Variants in RHPN2 observed in about 807,000 individuals in gnomAD.
RHPN2 encodes rhophilin-2.
RHPN2 carries 40 observed loss-of-function variants against 79.0 expected under a neutral mutation model. That is an observed-to-expected ratio of 0.51 (90% confidence interval 0.39 to 0.66). The LOEUF is 0.66. Among genes scored for constraint, RHPN2 ranks in the 30% least tolerant of loss-of-function variants. RHPN2 has a pLI of 0.00. For missense variants in RHPN2, 686 were observed against 883.5 expected, an observed-to-expected ratio of 0.78 and a Z score of 2.83; for synonymous variants, 285 against 363.5, an observed-to-expected ratio of 0.78 and a Z score of 2.46.
chr19:32,990,375 T>C (rs1285520756), intron 14 of RHPN2, 139 bp downstream of exon 14: 5 of 912,702 alleles, frequency 5.5e-6, no homozygotes, highest in Non-Finnish European at 8.9e-6. Context: ...TTACAGTGAT[T>C]ACAAGCCTGG....
chr19:33,064,378 T>C (rs1019933423), intron 1 of RHPN2, among the ~76,000 whole-genome samples: 9 of 149,374 alleles, frequency 6.0e-5, no homozygotes, highest in Non-Finnish European at 1.3e-4. Context: ...CCACCCGCGC[T>C]CCCACCAAGC....
intron 13 of RHPN2, chr19:32,991,330 G>C (rs1044790650): frequency 2.9e-5 from 6 of 205,086 alleles, no homozygotes; most frequent in Non-Finnish European, 6.0e-5. Flanking sequence ...ATGGTGGCAC[G>C]CACCTGTAAT....
chr19:32,991,641 A>G (rs528497162), intron 13 of RHPN2, among the ~76,000 whole-genome samples, 182 bp downstream of exon 13: 2 of 152,212 alleles, frequency 1.3e-5, no homozygotes, highest in South Asian at 4.1e-4. Context: ...AAAGTCTAAA[A>G]AAAACTAAAA....
At chr19:33,026,722 G>C in intron 2 of RHPN2, 90 bp from the exon 3 acceptor site, 1 of 1,476,128 alleles carries the variant, frequency 6.8e-7, no homozygotes, top group Non-Finnish European at 9.3e-7. Flanking sequence ...CTGCAGGGAG[G>C]ATCAGGGCAC....
At chr19:33,009,643 T>C (rs1187988946) in intron 6 of RHPN2, among the ~76,000 whole-genome samples, 1 of 151,902 alleles carries the variant, frequency 6.6e-6, no homozygotes, top group Non-Finnish European at 1.5e-5. Flanking sequence ...TTTGTAGAGA[T>C]AGGGTCTCAC....
intron 9 of RHPN2, 74 bp downstream of exon 9, chr19:33,002,173 C>G: frequency 3.2e-6 from 5 of 1,540,500 alleles, no homozygotes; most frequent in Non-Finnish European, 4.4e-6. Flanking sequence ...AGTTAGCTCT[C>G]ACTCAGCTCA....
At chr19:33,061,225 CTTTTT>C (rs35377340) in intron 1 of RHPN2, among the ~76,000 whole-genome samples, 1 of 120,594 alleles carries the variant, frequency 8.3e-6, no homozygotes. Flanking sequence ...ACCTGCCTTT[CTTTTT>C]TTTTTTTTTT....
intron 14 of RHPN2, among the ~76,000 whole-genome samples, chr19:32,990,165 G>GAAAGAAAGAAAGAAAGAAAGA (rs373722067): frequency 6.7e-6 from 1 of 149,630 alleles, no homozygotes; most frequent in African/African-American, 2.5e-5. Context: ...AAGAAAGAAA[G>GAAAGAAAGAAAGAAAGAAAGA]AGCGAGCCAG....
chr19:33,009,102 T>C (rs1971816566), intron 6 of RHPN2, among the ~76,000 whole-genome samples: 1 of 151,912 alleles, frequency 6.6e-6, no homozygotes. Flanking sequence ...TTGCCAGGAC[T>C]TAGGGGGAGG....
At chr19:32,988,283 A>G (rs1175799162) in intron 14 of RHPN2, among the ~76,000 whole-genome samples, 3 of 151,976 alleles carry the variant, frequency 2.0e-5, no homozygotes, top group Non-Finnish European at 2.9e-5. Context: ...AATAACCACT[A>G]CCCATGAGAT....
intron 2 of RHPN2, among the ~76,000 whole-genome samples, chr19:33,031,128 G>C (rs1287712143): frequency 6.6e-6 from 1 of 152,116 alleles, no homozygotes; most frequent in East Asian, 1.9e-4. Flanking sequence ...GGGCTTCCAT[G>C]CTCACTCCAG....
intron 2 of RHPN2, among the ~76,000 whole-genome samples, chr19:33,040,956 C>CA (rs1047684224): frequency 9.3e-5 from 14 of 151,186 alleles, no homozygotes; most frequent in African/African-American, 2.4e-4. Context: ...GACTCTGTCT[C>CA]AAAAAAAACA....
chr19:33,020,797 G>A (rs780190644), intron 4 of RHPN2, among the ~76,000 whole-genome samples: 7 of 152,118 alleles, frequency 4.6e-5, no homozygotes, highest in Non-Finnish European at 1.0e-4. Context: ...CACTGTGCCC[G>A]GCCTTTAGCC....
At chr19:33,050,061 A>G (rs1338096950) in intron 1 of RHPN2, among the ~76,000 whole-genome samples, 1 of 152,150 alleles carries the variant, frequency 6.6e-6, no homozygotes, top group African/African-American at 2.4e-5. Flanking sequence ...CTCCCCCAAC[A>G]TCCTTTCCAA....
intron 4 of RHPN2, among the ~76,000 whole-genome samples, chr19:33,020,384 G>A (rs1453970757): frequency 6.7e-6 from 1 of 149,928 alleles, no homozygotes; most frequent in African/African-American, 2.5e-5. Context: ...GGAGTGCAGT[G>A]GCACAATCTC....
intron 2 of RHPN2, among the ~76,000 whole-genome samples, chr19:33,039,358 G>A (rs993726177): frequency 2.0e-5 from 3 of 152,180 alleles, no homozygotes; most frequent in Non-Finnish European, 2.9e-5. Flanking sequence ...CACAACTGAC[G>A]GTGTGAGCTG....
chr19:32,983,295 A>G (rs543568086), intron 14 of RHPN2, among the ~76,000 whole-genome samples: 108 of 152,114 alleles, frequency 7.1e-4, no homozygotes, highest in Non-Finnish European at 1.2e-3. Flanking sequence ...GGCAGATCAC[A>G]AGGTCAGGAG....
chr19:33,036,853 T>C (rs906637242), intron 2 of RHPN2, among the ~76,000 whole-genome samples: 1 of 149,982 alleles, frequency 6.7e-6, no homozygotes, highest in Non-Finnish European at 1.5e-5. Flanking sequence ...TCAGCACCTG[T>C]AGCCCGCCAT....
chr19:33,008,377 G>A (rs1971810832), intron 6 of RHPN2, among the ~76,000 whole-genome samples, 197 bp from the exon 7 acceptor site: 1 of 151,180 alleles, frequency 6.6e-6, no homozygotes, highest in Non-Finnish European at 1.5e-5. Context: ...TCAGCCTCAT[G>A]AGAATAGCTG....
Sources: allele counts gnomAD v4.1 joint callset (sites outside exome capture counted in the v4.1 genomes callset), GRCh38; gene constraint gnomAD v4.1.1; transcripts MANE v1.5; gene names NCBI Gene and HGNC (gene_info 2026-07-23, HGNC 2026-07-21).